The following ANKRD30BL variants were observed in gnomAD, a reference collection of about 807,000 sequenced individuals.
ANKRD30BL encodes the protein ankyrin repeat domain 30B like, also known as putative ankyrin repeat domain-containing protein 30B-like.
Under a neutral mutation model 18.4 loss-of-function variants are expected in ANKRD30BL, and 20 were observed. The observed-to-expected ratio is 1.09, with a 90% CI of 0.77 to 1.58. The LOEUF is 1.58. Among genes scored for constraint, ANKRD30BL ranks in the 40% most tolerant of loss-of-function variants. The pLI, the probability that ANKRD30BL is intolerant of heterozygous loss-of-function variation, is 0.00. For missense variants in ANKRD30BL, 224 were observed against 268.6 expected (o/e 0.83, Z 1.16); for synonymous variants, 72 against 100.9 (o/e 0.71, Z 1.72).
At chr2:132,253,237 C>T (rs550282574) in intron 1 of ANKRD30BL, 93 of 170,340 alleles carry the variant, frequency 5.5e-4, no homozygotes, top group African/African-American at 2.1e-3. Context: ...TCTTGCAGTT[C>T]ACATTAATTC....
At chr2:132,216,773 G>A (rs1447829184) in intron 1 of ANKRD30BL, among the ~76,000 whole-genome samples, 5 of 151,998 alleles carry the variant, frequency 3.3e-5, no homozygotes, top group African/African-American at 1.2e-4. Context: ...CTAGAGAGAA[G>A]CATTCTCAGA....
At chr2:132,181,411 C>T (rs563802596) in intron 1 of ANKRD30BL, among the ~76,000 whole-genome samples, 6 of 150,860 alleles carry the variant, frequency 4.0e-5, no homozygotes, top group South Asian at 4.2e-4. Context: ...AGGGAGAGGT[C>T]GTAGTGAGTC....
intron 1 of ANKRD30BL, among the ~76,000 whole-genome samples, chr2:132,250,925 A>G (rs2104808580): frequency 6.6e-6 from 1 of 152,326 alleles, no homozygotes; most frequent in East Asian, 1.9e-4. Context: ...GGTCCAGTAC[A>G]AAGTTAGTAA....
intron 1 of ANKRD30BL, among the ~76,000 whole-genome samples, chr2:132,219,606 A>G (rs955879626): frequency 2.2e-4 from 33 of 152,106 alleles, no homozygotes; most frequent in African/African-American, 8.0e-4. Flanking sequence ...TAGAATCTTC[A>G]AGTGGAAATT....
intron 1 of ANKRD30BL, among the ~76,000 whole-genome samples, chr2:132,187,776 G>A (rs1236601801): frequency 1.6e-5 from 2 of 123,698 alleles, no homozygotes; most frequent in Non-Finnish European, 3.3e-5. Flanking sequence ...TTTTTTTTTT[G>A]AGATGGAGTT....
At chr2:132,253,168 G>T (rs771675903) in intron 1 of ANKRD30BL, 1 of 224,016 alleles carries the variant, frequency 4.5e-6, no homozygotes, top group Non-Finnish European at 9.7e-6. Flanking sequence ...GCTCAGACAG[G>T]CATAGCCCTG....
intron 4 of ANKRD30BL, chr2:132,153,735 G>A (rs770126913): frequency 5.9e-5 from 57 of 967,238 alleles, no homozygotes; most frequent in Middle Eastern, 3.2e-4. Context: ...AGGAACGAAC[G>A]AATTTAATAT....
At chr2:132,247,873 T>C (rs896156568) in intron 1 of ANKRD30BL, among the ~76,000 whole-genome samples, 5 of 152,062 alleles carry the variant, frequency 3.3e-5, no homozygotes, top group African/African-American at 9.7e-5. Context: ...GTGAGAGTAA[T>C]ACACATGTCA....
At chr2:132,209,282 T>C (rs943971524) in intron 1 of ANKRD30BL, among the ~76,000 whole-genome samples, 1 of 152,150 alleles carries the variant, frequency 6.6e-6, no homozygotes, top group African/African-American at 2.4e-5. Context: ...TTTGAAACAC[T>C]CTTTTTGTAG....
chr2:132,191,908 A>AT (rs972270200), intron 1 of ANKRD30BL, among the ~76,000 whole-genome samples: 3 of 151,490 alleles, frequency 2.0e-5, no homozygotes, highest in Admixed American at 1.3e-4. Context: ...CGCCTGGCTA[A>AT]TTTTTTTGTA....
chr2:132,214,563 T>C (rs199803776), intron 1 of ANKRD30BL, among the ~76,000 whole-genome samples: 1 of 151,182 alleles, frequency 6.6e-6, no homozygotes, highest in African/African-American at 2.4e-5. Flanking sequence ...ATTCATATCA[T>C]GGAGTTGAAC....
chr2:132,215,228 TG>T (rs1200744830), intron 1 of ANKRD30BL, among the ~76,000 whole-genome samples: 16 of 152,396 alleles, frequency 1.0e-4, no homozygotes, highest in African/African-American at 3.6e-4. Context: ...ATCTTTGTGA[TG>T]TGTGCATTCA....
At chr2:132,196,019 G>C (rs1325060601) in intron 1 of ANKRD30BL, among the ~76,000 whole-genome samples, 1 of 151,324 alleles carries the variant, frequency 6.6e-6, no homozygotes, top group Non-Finnish European at 1.5e-5. Flanking sequence ...GTGGGCACCT[G>C]TAGTCCCAGC....
chr2:132,239,962 C>T (rs986430562), intron 1 of ANKRD30BL, among the ~76,000 whole-genome samples: 5 of 150,556 alleles, frequency 3.3e-5, no homozygotes, highest in African/African-American at 9.8e-5. Flanking sequence ...TTGAGGATTT[C>T]GTTGGAAACG....
intron 1 of ANKRD30BL, among the ~76,000 whole-genome samples, chr2:132,171,005 A>T (rs1429419199): frequency 6.6e-6 from 1 of 152,052 alleles, no homozygotes; most frequent in Non-Finnish European, 1.5e-5. Context: ...AAATACAAAA[A>T]ATTAGCCGGG....
chr2:132,179,749 A>G (rs909105710), intron 1 of ANKRD30BL, among the ~76,000 whole-genome samples: 4 of 152,164 alleles, frequency 2.6e-5, no homozygotes, highest in Admixed American at 6.5e-5. Context: ...AGGAACTTCC[A>G]TTGAGACAGA....
At chr2:132,238,924 G>A (rs910338031) in intron 1 of ANKRD30BL, among the ~76,000 whole-genome samples, 1 of 151,780 alleles carries the variant, frequency 6.6e-6, no homozygotes. Flanking sequence ...GACATTTGGA[G>A]TGCCTTGAGG....
intron 4 of ANKRD30BL, chr2:132,153,580 A>T (rs894662305): frequency 4.8e-6 from 3 of 625,162 alleles, no homozygotes; most frequent in African/African-American, 1.9e-5. Context: ...AAGCAACAGC[A>T]TAACGTTCTG....
At position 132,256,594 on chromosome 2, in the gene ANKRD30BL, C is replaced by G. The variant is rs77406284; in HGVS notation, n.441+935G>C. 2.6e-5 allele frequency among the ~76,000 whole-genome samples: 4 copies of G among 152,314 alleles called. No homozygotes were observed. In the South Asian group the frequency reaches 6.2e-4, roughly 24 times the overall value. On this transcript the variant is annotated intron_variant and non_coding_transcript_variant, in intron 1 of 4. Coordinates refer to the ANKRD30BL transcript ENST00000470729. ...GGCCCCTCGCGGCACCTGGAGCGGC[C>G]GACTGGCCTTCGGCGGGCCTGCGGC...
Sources: gnomAD v4.1 joint callset for allele counts (sites outside exome capture counted in the v4.1 genomes callset) on GRCh38, gnomAD v4.1.1 for gene constraint, MANE v1.5 for transcripts, NCBI Gene and HGNC (gene_info 2026-07-23, HGNC 2026-07-21) for gene names.